The following NFIB variants were observed in gnomAD, a reference collection of about 807,000 sequenced individuals.
NFIB encodes nuclear factor 1 B-type.
In NFIB, 11 loss-of-function variants were observed where a neutral mutation model predicts 61.5. The ratio of observed to expected loss-of-function variants is 0.18; its 90% CI spans 0.11 to 0.30. The LOEUF (loss-of-function observed/expected upper bound fraction) is 0.30, where lower values mean the gene tolerates loss of function less well. Among genes scored for constraint, NFIB ranks in the 10% least tolerant of loss-of-function variants. NFIB has a pLI of 1.00. For missense variants in NFIB, 471 were observed against 608.9 expected (o/e 0.77, Z 2.38); for synonymous variants, 260 against 216.5 (o/e 1.20, Z -1.76).
At chr9:14,222,415 C>A (rs772192263) in intron 2 of NFIB, among the ~76,000 whole-genome samples, 12 of 152,132 alleles carry the variant, frequency 7.9e-5, no homozygotes, top group Non-Finnish European at 8.8e-5. Flanking sequence ...GACACTAATT[C>A]ATGCACCTCA....
chr9:14,360,787 G>A (rs1319890438), intron 1 of NFIB, among the ~76,000 whole-genome samples: 2 of 151,954 alleles, frequency 1.3e-5, no homozygotes, highest in African/African-American at 4.8e-5. Flanking sequence ...CTCGTCATCC[G>A]CCCGCCTGGG....
At chr9:14,366,572 G>C (rs887777146) in intron 1 of NFIB, among the ~76,000 whole-genome samples, 1 of 151,662 alleles carries the variant, frequency 6.6e-6, no homozygotes, top group African/African-American at 2.4e-5. Context: ...TGCAACCTCC[G>C]CCTTCCAGGT....
intron 1 of NFIB, among the ~76,000 whole-genome samples, chr9:14,392,643 C>G (rs1325495247): frequency 6.6e-6 from 1 of 151,800 alleles, no homozygotes; most frequent in Non-Finnish European, 1.5e-5. Context: ...TCTATTGAAC[C>G]CAGGGGGCAG....
chr9:14,382,425 G>A (rs777881490), intron 1 of NFIB, among the ~76,000 whole-genome samples: 3 of 152,034 alleles, frequency 2.0e-5, no homozygotes, highest in Non-Finnish European at 2.9e-5. Flanking sequence ...GAAGATGACC[G>A]ATCCACTCTT....
At chr9:14,182,708 CTGTGTGTG>C (rs59897559) in intron 2 of NFIB, among the ~76,000 whole-genome samples, 2,739 of 96,718 alleles carry the variant, frequency 0.028, 85 homozygotes, top group East Asian at 0.13. Context: ...CTCTCTCTCT[CTGTGTGTG>C]TGTGTGTGTG....
At chr9:14,327,918 T>G (rs2060774466) in intron 1 of NFIB, among the ~76,000 whole-genome samples, 1 of 152,170 alleles carries the variant, frequency 6.6e-6, no homozygotes, top group African/African-American at 2.4e-5. Context: ...TGAGAAATAT[T>G]TTTGTAAACA....
chr9:14,306,857 C>G, intron 2 of NFIB, 132 bp downstream of exon 2: 1 of 1,096,478 alleles, frequency 9.1e-7, no homozygotes. Flanking sequence ...AAAGCGGACA[C>G]CCTACTATAC....
chr9:14,436,300 C>T, the NFIB span, among the ~76,000 whole-genome samples: 1 of 152,370 alleles, frequency 6.6e-6, no homozygotes, highest in South Asian at 2.1e-4. Context: ...CTTAGGTGAA[C>T]ATCACTCAGG....
the NFIB span, among the ~76,000 whole-genome samples, chr9:14,440,138 C>T: frequency 6.6e-6 from 1 of 152,206 alleles, no homozygotes; most frequent in African/African-American, 2.4e-5. Context: ...GCTGAGCCCT[C>T]ACATGCATGA....
At chr9:14,403,168 C>T (rs1399955906), upstream of NFIB, among the ~76,000 whole-genome samples, 1 of 152,180 alleles carries the variant, frequency 6.6e-6, no homozygotes, top group Admixed American at 6.5e-5. Flanking sequence ...ATAGTTTATA[C>T]AGGCACCTGG....
intron 3 of NFIB, among the ~76,000 whole-genome samples, chr9:14,162,618 T>C (rs2044331023): frequency 6.6e-6 from 1 of 152,102 alleles, no homozygotes; most frequent in African/African-American, 2.4e-5. Context: ...TGTCCCAATA[T>C]GTTTTATGCT....
At chr9:14,306,095 T>A (rs1381131177) in intron 2 of NFIB, 1 of 537,112 alleles carries the variant, frequency 1.9e-6, no homozygotes, top group Admixed American at 4.2e-5. Context: ...AATAACATCA[T>A]CTTTTTTAAT....
intron 2 of NFIB, among the ~76,000 whole-genome samples, chr9:14,248,510 G>A (rs949012130): frequency 6.6e-6 from 1 of 151,964 alleles, no homozygotes; most frequent in Admixed American, 6.6e-5. Context: ...AACTCAAGCA[G>A]TCCTCCTGCC....
At chr9:14,487,139 T>G in the NFIB span, among the ~76,000 whole-genome samples, 7 of 152,208 alleles carry the variant, frequency 4.6e-5, no homozygotes, top group Non-Finnish European at 1.0e-4. Context: ...CTTCCAATTT[T>G]GGGTAATTAC....
rs760831009 is a variant in NFIB at position 14,116,369 on chromosome 9, C to A, written c.1246-23G>T. 6 of 1,474,462 alleles carry A rather than the reference C, an allele frequency of 4.1e-6. No individual in the cohort carries two copies. In the East Asian group the frequency reaches 1.0e-4, roughly 25 times the overall value. 91.3% of individuals were successfully genotyped at this position (1,474,462 alleles called of 1,614,324 possible). ...AGGCTACAAAACAAAAACAGAATGC[C>A]GGGTGAAGCAATCCAAAAGGCAGTC... is the stretch of plus-strand genomic sequence containing the variant. On this transcript the variant is annotated intron_variant, in intron 8 of 10. Transcript: ENST00000380953.
At chr9:14,225,144 T>C (rs2052204954) in intron 2 of NFIB, among the ~76,000 whole-genome samples, 1 of 152,092 alleles carries the variant, frequency 6.6e-6, no homozygotes, top group Non-Finnish European at 1.5e-5. Context: ...AAATTCCAGA[T>C]ATAAGTGAGA....
intron 1 of NFIB, among the ~76,000 whole-genome samples, chr9:14,396,356 C>T (rs1588420944): frequency 6.6e-6 from 1 of 152,042 alleles, no homozygotes; most frequent in Non-Finnish European, 1.5e-5. Flanking sequence ...AAGAATAATG[C>T]TCCAAAATAA....
the NFIB span, among the ~76,000 whole-genome samples, chr9:14,409,687 T>C: frequency 2.6e-5 from 4 of 152,310 alleles, no homozygotes; most frequent in East Asian, 7.7e-4. Context: ...GTTAAGTAGC[T>C]TCTTCCTCTA....
chr9:14,311,987 T>C (rs774398439), intron 1 of NFIB, among the ~76,000 whole-genome samples: 1 of 152,254 alleles, frequency 6.6e-6, no homozygotes, highest in African/African-American at 2.4e-5. Context: ...TTTCATCATA[T>C]TTATTGGCTA....
Sources: allele counts gnomAD v4.1 joint callset (sites outside exome capture counted in the v4.1 genomes callset), GRCh38; gene constraint gnomAD v4.1.1; transcripts MANE v1.5; gene names NCBI Gene and HGNC (gene_info 2026-07-23, HGNC 2026-07-21).